The following CAMKMT variants were observed in gnomAD, a reference collection of about 807,000 sequenced individuals.
CAMKMT encodes the protein CaM KMT.
CAMKMT carries 53 observed loss-of-function variants against 48.0 expected under a neutral mutation model. That is an observed-to-expected ratio of 1.10 (90% CI 0.89 to 1.39). The LOEUF is 1.39. Among genes scored for constraint, CAMKMT ranks in the 40% most tolerant of loss-of-function variants. The pLI is 0.00. For synonymous variants in CAMKMT, 165 were observed against 152.3 expected (o/e 1.08, Z -0.61); for missense variants, 428 against 402.7 (o/e 1.06, Z -0.54).
intron 3 of CAMKMT, among the ~76,000 whole-genome samples, chr2:44,439,871 G>A (rs868210837): frequency 2.0e-5 from 3 of 152,028 alleles, no homozygotes; most frequent in African/African-American, 7.2e-5. Flanking sequence ...ATCTGAAAAC[G>A]TTTCCAGGGC....
chr2:44,414,594 A>G (rs1362730586), intron 3 of CAMKMT, among the ~76,000 whole-genome samples: 1 of 152,214 alleles, frequency 6.6e-6, no homozygotes, highest in Non-Finnish European at 1.5e-5. Flanking sequence ...ATAGTCTTTT[A>G]TAACCTAATT....
At chr2:44,590,546 A>T (rs372937884) in intron 3 of CAMKMT, among the ~76,000 whole-genome samples, 54 of 152,260 alleles carry the variant, frequency 3.5e-4, no homozygotes, top group African/African-American at 1.3e-3. Context: ...TTGGCTGCAT[A>T]AATGTCTTCC....
intron 3 of CAMKMT, among the ~76,000 whole-genome samples, chr2:44,412,380 G>T (rs1683268610): frequency 6.6e-6 from 1 of 152,132 alleles, no homozygotes; most frequent in Admixed American, 6.6e-5. Flanking sequence ...CTGTCGCCTA[G>T]GCTGAAGTAC....
chr2:44,471,625 AAG>A (rs1668423413), intron 3 of CAMKMT, among the ~76,000 whole-genome samples: 1 of 152,116 alleles, frequency 6.6e-6, no homozygotes, highest in African/African-American at 2.4e-5. Context: ...TAACAAAAGA[AAG>A]AACATGACCT....
chr2:44,508,618 G>A (rs1670379408), intron 3 of CAMKMT, among the ~76,000 whole-genome samples: 1 of 152,168 alleles, frequency 6.6e-6, no homozygotes, highest in Admixed American at 6.5e-5. Context: ...ATGTGTATAT[G>A]TAGGATGTGT....
chr2:44,754,933 G>A (rs1281878963), intron 9 of CAMKMT, among the ~76,000 whole-genome samples: 3 of 151,752 alleles, frequency 2.0e-5, no homozygotes, highest in East Asian at 1.9e-4. Flanking sequence ...TAATACAGTC[G>A]AAGATAGGAA....
At chr2:44,555,903 T>C (rs991074208) in intron 3 of CAMKMT, among the ~76,000 whole-genome samples, 3 of 152,056 alleles carry the variant, frequency 2.0e-5, no homozygotes, top group Non-Finnish European at 1.5e-5. Flanking sequence ...GAGGTCATTA[T>C]TGATTTTGGC....
At chr2:44,551,388 G>A (rs184002922) in intron 3 of CAMKMT, among the ~76,000 whole-genome samples, 1 of 152,254 alleles carries the variant, frequency 6.6e-6, no homozygotes, top group Admixed American at 6.5e-5. Flanking sequence ...GTTCTAAAGG[G>A]AATTGTGCGT....
At chr2:44,532,934 T>A (rs962990127) in intron 3 of CAMKMT, among the ~76,000 whole-genome samples, 1 of 151,802 alleles carries the variant, frequency 6.6e-6, no homozygotes, top group African/African-American at 2.4e-5. Flanking sequence ...TGCCTCAGCC[T>A]CCTGAGTAGC....
chr2:44,520,188 C>G (rs1671031198), intron 3 of CAMKMT, among the ~76,000 whole-genome samples: 1 of 152,054 alleles, frequency 6.6e-6, no homozygotes, highest in Non-Finnish European at 1.5e-5. Context: ...CACTGCACTC[C>G]AGCCTGGGCG....
chr2:44,503,918 C>G (rs1670126244), intron 3 of CAMKMT, among the ~76,000 whole-genome samples: 1 of 149,206 alleles, frequency 6.7e-6, no homozygotes, highest in African/African-American at 2.5e-5. Flanking sequence ...CATGGCTTTT[C>G]CTTGATGAAT....
chr2:44,682,784 G>A (rs1676096719), intron 3 of CAMKMT, among the ~76,000 whole-genome samples: 4 of 152,130 alleles, frequency 2.6e-5, no homozygotes, highest in Admixed American at 2.6e-4. Flanking sequence ...CAACACTGTT[G>A]TATGTGAAAA....
At chr2:44,635,393 G>A (rs1047436840) in intron 3 of CAMKMT, among the ~76,000 whole-genome samples, 15 of 152,032 alleles carry the variant, frequency 9.9e-5, no homozygotes, top group African/African-American at 3.6e-4. Context: ...CCCAACATAT[G>A]TATACATTTA....
chr2:44,626,420 CTTTTTAAAGGATT>C (rs1672486480), intron 3 of CAMKMT, among the ~76,000 whole-genome samples: 1 of 152,000 alleles, frequency 6.6e-6, no homozygotes, highest in African/African-American at 2.4e-5. Flanking sequence ...ATTCTGATAG[CTTTTTAAAGGATT>C]TTATAGAATA....
At position 44,740,316 on chromosome 2, in the gene CAMKMT, G is replaced by A. The variant is rs1273483338; in HGVS notation, c.624-3306G>A. Among the ~76,000 whole-genome samples the A allele has an allele frequency of 3.3e-5, 5 of 151,848 alleles. No individual in the cohort carries two copies. The East Asian group carries it at 7.7e-4, about 24-fold the overall frequency. The stretch of plus-strand genomic sequence containing the variant: ...GCTAATTTTTTGTATTTTTAGCAGC[G>A]AGGGGGTATCGCCATGTTGCCCAGG... On this transcript the variant is annotated intron_variant, in intron 7 of 10. Transcript: ENST00000378494.
intron 3 of CAMKMT, among the ~76,000 whole-genome samples, chr2:44,463,542 G>A (rs1167385324): frequency 6.6e-6 from 1 of 152,110 alleles, no homozygotes; most frequent in Admixed American, 6.5e-5. Flanking sequence ...AAGGGGTTGG[G>A]TGGGAGTTGG....
intron 8 of CAMKMT, among the ~76,000 whole-genome samples, chr2:44,746,136 G>A (rs1679907346): frequency 6.6e-6 from 1 of 152,208 alleles, no homozygotes; most frequent in African/African-American, 2.4e-5. Context: ...TGTCAGCAAT[G>A]AGATCTGGAT....
chr2:44,551,202 C>T (rs1235407365), intron 3 of CAMKMT, among the ~76,000 whole-genome samples: 1 of 152,080 alleles, frequency 6.6e-6, no homozygotes, highest in African/African-American at 2.4e-5. Flanking sequence ...ATTGCTGAGA[C>T]AAAGAACTGG....
At chr2:44,428,542 C>T (rs1400108999) in intron 3 of CAMKMT, among the ~76,000 whole-genome samples, 1 of 152,200 alleles carries the variant, frequency 6.6e-6, no homozygotes, top group Non-Finnish European at 1.5e-5. Flanking sequence ...GAGGGTGGAA[C>T]CCTCGCCAGG....
Sources: gnomAD v4.1 joint callset for allele counts (sites outside exome capture counted in the v4.1 genomes callset) on GRCh38, gnomAD v4.1.1 for gene constraint, MANE v1.5 for transcripts, NCBI Gene and HGNC (gene_info 2026-07-23, HGNC 2026-07-21) for gene names.